SH3RF3: variants seen among roughly 807,000 people sequenced by gnomAD.
SH3RF3 encodes SH3 domain containing ring finger 3.
Under a neutral mutation model 66.3 loss-of-function variants are expected in SH3RF3, and 29 were observed. That is an observed-to-expected ratio of 0.44 (90% confidence interval 0.33 to 0.60). SH3RF3 has a LOEUF of 0.60. SH3RF3 is among the 20% of genes least tolerant of loss of function. The pLI, the probability that SH3RF3 is intolerant of heterozygous loss-of-function variation, is 0.04. For missense variants in SH3RF3, 1,194 were observed against 1,190.9 expected (o/e 1.00, Z -0.04); for synonymous variants, 583 against 532.0 (o/e 1.10, Z -1.32).
intron 1 of SH3RF3, among the ~76,000 whole-genome samples, chr2:109,246,860 C>T (rs892657014): frequency 2.0e-5 from 3 of 152,220 alleles, no homozygotes; most frequent in African/African-American, 7.2e-5. Context: ...CTGGGGGTGT[C>T]TTCCTTCCAT....
At chr2:109,362,647 C>G (rs1218632250) in intron 2 of SH3RF3, among the ~76,000 whole-genome samples, 2 of 152,114 alleles carry the variant, frequency 1.3e-5, no homozygotes, top group Non-Finnish European at 2.9e-5. Context: ...TGCTTGCTGT[C>G]TCTGTCCATT....
chr2:109,441,438 A>G (rs1208484046), intron 7 of SH3RF3, among the ~76,000 whole-genome samples: 3 of 152,210 alleles, frequency 2.0e-5, no homozygotes, highest in Non-Finnish European at 4.4e-5. Flanking sequence ...GGCAGATTAA[A>G]CATTGCTGAA....
chr2:109,227,224 CAG>C (rs915904102), intron 1 of SH3RF3, among the ~76,000 whole-genome samples: 7 of 152,132 alleles, frequency 4.6e-5, no homozygotes, highest in African/African-American at 1.4e-4. Context: ...ACCCAGGCCT[CAG>C]GGGCTGAAAG....
intron 1 of SH3RF3, among the ~76,000 whole-genome samples, chr2:109,268,096 C>T (rs922836403): frequency 2.0e-5 from 3 of 151,586 alleles, no homozygotes; most frequent in African/African-American, 7.3e-5. Flanking sequence ...GAGAAGGGGC[C>T]GATGGGGAGG....
chr2:109,251,522 T>G, intron 1 of SH3RF3: 1 of 745,582 alleles, frequency 1.3e-6, no homozygotes, highest in South Asian at 1.3e-5. Context: ...TTGTGGTCAT[T>G]TGGTCCCTTT....
intron 1 of SH3RF3, among the ~76,000 whole-genome samples, chr2:109,320,430 G>A (rs1172788820): frequency 2.6e-5 from 4 of 152,150 alleles, no homozygotes; most frequent in Admixed American, 1.3e-4. Flanking sequence ...TGGAACCACC[G>A]CAGGCGCCCA....
At chr2:109,341,370 C>T (rs988813442) in intron 1 of SH3RF3, among the ~76,000 whole-genome samples, 2 of 152,256 alleles carry the variant, frequency 1.3e-5, no homozygotes, top group Non-Finnish European at 2.9e-5. Flanking sequence ...TAAGGTAAGG[C>T]CAAGAGTTGT....
At position 109,425,289 on chromosome 2, in the gene SH3RF3, A is replaced by G. The variant is rs556945451; in HGVS notation, c.1403+5647A>G. Among the ~76,000 whole-genome samples the G allele has an allele frequency of 3.2e-4, 49 of 152,358 alleles. 1 individual carries two copies. In the Middle Eastern group the frequency reaches 0.024, roughly 74 times the overall value. ...CTCTGCAACATAAAAGTACAAGGTAAAGCAGCAAGTGCTGATGGAAAAGCT... is the reference window on the plus strand; with the variant it reads ...CTCTGCAACATAAAAGTACAAGGTAGAGCAGCAAGTGCTGATGGAAAAGCT... On this transcript the variant is annotated intron_variant, in intron 5 of 9. Coordinates refer to ENST00000309415, the MANE Select transcript of SH3RF3 (RefSeq NM_001099289.3).
intron 3 of SH3RF3, among the ~76,000 whole-genome samples, chr2:109,385,536 C>T (rs1675801866): frequency 6.6e-6 from 1 of 152,236 alleles, no homozygotes; most frequent in East Asian, 1.9e-4. Context: ...GAAACAATCA[C>T]TTAGAGAATG....
chr2:109,479,455 C>T (rs1242996740), intron 8 of SH3RF3, among the ~76,000 whole-genome samples: 1 of 152,196 alleles, frequency 6.6e-6, no homozygotes, highest in African/African-American at 2.4e-5. Flanking sequence ...TCTTGTCTGG[C>T]ACAGCTGCCT....
chr2:109,350,044 G>C (rs555584826), intron 2 of SH3RF3, among the ~76,000 whole-genome samples: 1 of 152,248 alleles, frequency 6.6e-6, no homozygotes, highest in East Asian at 1.9e-4. Context: ...CTCACGAGCT[G>C]CATCGGATCA....
At chr2:109,457,459 G>T (rs958567618) in intron 8 of SH3RF3, among the ~76,000 whole-genome samples, 1 of 152,234 alleles carries the variant, frequency 6.6e-6, no homozygotes, top group Admixed American at 6.5e-5. Context: ...TGTAAGTCAT[G>T]TGTAATAGTT....
chr2:109,364,014 A>G (rs192098081), intron 2 of SH3RF3, among the ~76,000 whole-genome samples: 1 of 152,204 alleles, frequency 6.6e-6, no homozygotes, highest in East Asian at 1.9e-4. Flanking sequence ...AATAATTTGG[A>G]GAAATTCTCA....
chr2:109,271,441 A>C (rs1680624209), intron 1 of SH3RF3, among the ~76,000 whole-genome samples: 1 of 152,256 alleles, frequency 6.6e-6, no homozygotes, highest in Non-Finnish European at 1.5e-5. Flanking sequence ...AGAGTTTTTC[A>C]ACAATGGATA....
At chr2:109,275,957 C>A (rs150824698) in intron 1 of SH3RF3, among the ~76,000 whole-genome samples, 72 of 152,242 alleles carry the variant, frequency 4.7e-4, no homozygotes, top group African/African-American at 1.7e-3. Flanking sequence ...TTATAGCCCA[C>A]GTCATGTGCA....
At position 109,166,459 on chromosome 2, in the gene SH3RF3, G is replaced by GAAAA. The variant is rs386390872; in HGVS notation, c.573+36358_573+36361dup. Among the ~76,000 whole-genome samples the GAAAA allele has an allele frequency of 4.7e-3, 629 of 134,238 alleles. 14 individuals are homozygous for GAAAA. The highest frequency in any genetic ancestry group is 5.0e-3 in the African/African-American group (180 of 36,192). 88.1% of individuals were successfully genotyped at this position (134,238 alleles called of 152,430 possible). ...GCCACTGTACTCCAGCCTGGTGACA[G>GAAAA]AAAAAAAAAAAAAAAGAAAGAAAGA... On this transcript the variant is annotated intron_variant, in intron 1 of 9. Transcript: ENST00000309415.
chr2:109,495,153 G>A (rs1406393962), intron 9 of SH3RF3, among the ~76,000 whole-genome samples: 1 of 152,202 alleles, frequency 6.6e-6, no homozygotes, highest in Non-Finnish European at 1.5e-5. Flanking sequence ...CTTGTCCTGC[G>A]GACTATGTGC....
intron 1 of SH3RF3, among the ~76,000 whole-genome samples, chr2:109,292,151 C>T (rs1032679850): frequency 6.6e-6 from 1 of 152,238 alleles, no homozygotes; most frequent in African/African-American, 2.4e-5. Flanking sequence ...GCGTGAGCTA[C>T]CGTGCCTGGC....
chr2:109,203,913 T>A (rs1338138793), intron 1 of SH3RF3, among the ~76,000 whole-genome samples: 1 of 152,178 alleles, frequency 6.6e-6, no homozygotes, highest in East Asian at 1.9e-4. Flanking sequence ...GCAGGGCTGA[T>A]GTGTGTGCTG....
Sources: gnomAD v4.1 joint callset for allele counts (sites outside exome capture counted in the v4.1 genomes callset) on GRCh38, gnomAD v4.1.1 for gene constraint, MANE v1.5 for transcripts, NCBI Gene and HGNC (gene_info 2026-07-23, HGNC 2026-07-21) for gene names.